The following EEIG1 variants were observed in gnomAD, a reference collection of about 807,000 sequenced individuals.
EEIG1 encodes estrogen-induced osteoclastogenesis regulator 1, also known as early estrogen-induced gene 1 protein.
chr9:127,961,666 G>T, the EEIG1 span, among the ~76,000 whole-genome samples: 1 of 152,342 alleles, frequency 6.6e-6, no homozygotes, highest in East Asian at 1.9e-4. Flanking sequence ...AGGAACCAAG[G>T]AAGGAGGCAG....
chr9:127,943,029 G>T, the EEIG1 span: 1 of 679,434 alleles, frequency 1.5e-6, no homozygotes, highest in Non-Finnish European at 2.7e-6. Context: ...TGGATGGGAG[G>T]GGCAATGGAA....
the EEIG1 span, chr9:127,950,850 A>G: frequency 5.2e-6 from 2 of 387,704 alleles, no homozygotes; most frequent in South Asian, 8.9e-5. Flanking sequence ...ACACAGATGC[A>G]TTGTTCCCTG....
chr9:127,944,510 G>A, the EEIG1 span: 2 of 796,226 alleles, frequency 2.5e-6, no homozygotes, highest in Middle Eastern at 3.5e-4. Flanking sequence ...GTCACACTGT[G>A]GCGACAAGAT....
chr9:127,955,777 C>T, the EEIG1 span, among the ~76,000 whole-genome samples: 1 of 152,204 alleles, frequency 6.6e-6, no homozygotes, highest in African/African-American at 2.4e-5. Context: ...TATGAGGAGC[C>T]CCCTCCAGGC....
chr9:127,973,066 A>G, the EEIG1 span, among the ~76,000 whole-genome samples: 1 of 152,062 alleles, frequency 6.6e-6, no homozygotes. This position sits in a 1 kb window ranked among gnomAD's most constrained non-coding sequence, Gnocchi z 4.2. Flanking sequence ...TTCTAAGCAA[A>G]TCTGGTGTCT....
the EEIG1 span, among the ~76,000 whole-genome samples, chr9:127,960,353 G>C: frequency 1.3e-5 from 2 of 152,202 alleles, no homozygotes; most frequent in Non-Finnish European, 2.9e-5. Context: ...GGGTGAAGGA[G>C]CAGGGGCAGG....
At chr9:127,943,385 G>A in the EEIG1 span, 4 of 720,920 alleles carry the variant, frequency 5.5e-6, no homozygotes, top group South Asian at 6.4e-5. Context: ...CCCAGCGATG[G>A]TAAGTCCCTT....
chr9:127,942,957 T>C, the EEIG1 span: 1 of 558,520 alleles, frequency 1.8e-6, no homozygotes, highest in Admixed American at 3.1e-5. Context: ...TGCCCTCTAG[T>C]GGTTCAGAGG....
chr9:127,964,936 CCACCT>C, the EEIG1 span, among the ~76,000 whole-genome samples: 1 of 152,026 alleles, frequency 6.6e-6, no homozygotes, highest in East Asian at 1.9e-4. Context: ...ACATGAAACC[CCACCT>C]CTACTAAAAA....
chr9:127,944,526 G>T, the EEIG1 span: 1 of 945,782 alleles, frequency 1.1e-6, no homozygotes, highest in Non-Finnish European at 1.7e-6. Context: ...AAGATTTGGC[G>T]TTCAAGGCCA....
the EEIG1 span, chr9:127,945,899 C>G: frequency 1.6e-6 from 1 of 630,418 alleles, no homozygotes; most frequent in Non-Finnish European, 2.8e-6. This position sits in a 1 kb window ranked among gnomAD's most constrained non-coding sequence, Gnocchi z 6.5. Flanking sequence ...GAGCAGCAAC[C>G]AGCCTGAGCC....
the EEIG1 span, among the ~76,000 whole-genome samples, chr9:127,949,649 C>T: frequency 6.6e-6 from 1 of 152,182 alleles, no homozygotes; most frequent in Non-Finnish European, 1.5e-5. Context: ...TGCAAAGGGT[C>T]TAGGAGGCCC....
the EEIG1 span, among the ~76,000 whole-genome samples, chr9:127,960,363 G>A: frequency 1.3e-5 from 2 of 152,206 alleles, no homozygotes; most frequent in South Asian, 4.1e-4. Flanking sequence ...GCAGGGGCAG[G>A]TCCTGCTAGA....
the EEIG1 span, among the ~76,000 whole-genome samples, chr9:127,947,678 C>T: frequency 6.6e-6 from 1 of 152,206 alleles, no homozygotes; most frequent in East Asian, 1.9e-4. Flanking sequence ...CCCCTGAATG[C>T]AGCTCAGATA....
the EEIG1 span, among the ~76,000 whole-genome samples, chr9:127,967,211 A>C: frequency 6.6e-6 from 1 of 152,166 alleles, no homozygotes; most frequent in African/African-American, 2.4e-5. Flanking sequence ...AGGAGGGAGA[A>C]GTGGGAAAAG....
chr9:127,964,286 C>T, the EEIG1 span, among the ~76,000 whole-genome samples: 1 of 152,232 alleles, frequency 6.6e-6, no homozygotes, highest in Non-Finnish European at 1.5e-5. Context: ...AGAATTCTGC[C>T]TCTGTGGTCC....
chr9:127,955,202 A>C, the EEIG1 span, among the ~76,000 whole-genome samples: 4 of 152,330 alleles, frequency 2.6e-5, no homozygotes, highest in African/African-American at 7.2e-5. Context: ...TCGAGGCCTC[A>C]GGGCAGAGGG....
chr9:127,955,254 G>A, the EEIG1 span, among the ~76,000 whole-genome samples: 73 of 152,296 alleles, frequency 4.8e-4, no homozygotes, highest in South Asian at 0.015. Flanking sequence ...GCATCGCCAG[G>A]TTTGCTTTGC....
At chr9:127,962,419 A>G in the EEIG1 span, among the ~76,000 whole-genome samples, 1 of 152,150 alleles carries the variant, frequency 6.6e-6, no homozygotes, top group African/African-American at 2.4e-5. Context: ...AGGAAACCCA[A>G]TCCCCGGCAG....
Sources: gnomAD v4.1 joint callset for allele counts (sites outside exome capture counted in the v4.1 genomes callset) on GRCh38, gnomAD v4.1.1 for gene constraint, Gnocchi (gnomAD v3.1) non-coding constraint, MANE v1.5 for transcripts, NCBI Gene and HGNC (gene_info 2026-07-23, HGNC 2026-07-21) for gene names.